Variants in TASP1 observed in about 807,000 individuals in gnomAD.
TASP1 encodes taspase 1.
A neutral mutation model predicts 56.6 loss-of-function variants in TASP1; 16 were observed. The observed-to-expected ratio is 0.28, with a 90% CI of 0.19 to 0.43. The LOEUF (loss-of-function observed/expected upper bound fraction) is 0.43, where lower values mean the gene tolerates loss of function less well. TASP1 is among the 20% of genes least tolerant of loss of function. The pLI is 1.00. For missense variants in TASP1, 393 were observed against 511.6 expected (o/e 0.77, Z 2.24); for synonymous variants, 179 against 184.2 (o/e 0.97, Z 0.23).
the TASP1 span, among the ~76,000 whole-genome samples, chr20:13,327,250 A>C: frequency 6.6e-6 from 1 of 152,212 alleles, no homozygotes; most frequent in African/African-American, 2.4e-5. Context: ...AATAGAGCTA[A>C]TAAGGGAAGT....
intron 4 of TASP1, among the ~76,000 whole-genome samples, chr20:13,594,137 G>A (rs1224776627): frequency 6.6e-6 from 1 of 152,218 alleles, no homozygotes; most frequent in African/African-American, 2.4e-5. Context: ...TGAGGGACAT[G>A]ACTGTTAGAA....
the TASP1 span, among the ~76,000 whole-genome samples, chr20:13,269,272 T>G: frequency 6.6e-6 from 1 of 152,182 alleles, no homozygotes; most frequent in East Asian, 1.9e-4. Flanking sequence ...GTAAATCTTC[T>G]GTGAGAGGAG....
At chr20:13,324,850 T>A in the TASP1 span, among the ~76,000 whole-genome samples, 2 of 152,208 alleles carry the variant, frequency 1.3e-5, no homozygotes, top group Non-Finnish European at 2.9e-5. Flanking sequence ...TTAAGTTTCT[T>A]ATTTTCTGGA....
At chr20:13,233,544 A>G in the TASP1 span, among the ~76,000 whole-genome samples, 1 of 151,558 alleles carries the variant, frequency 6.6e-6, no homozygotes, top group Non-Finnish European at 1.5e-5. Context: ...GCAATGAGCC[A>G]AGACTGTGCT....
the TASP1 span, chr20:13,117,514 G>T: frequency 5.7e-6 from 9 of 1,592,302 alleles, no homozygotes; most frequent in Non-Finnish European, 4.3e-6. Flanking sequence ...AGCATGGAAG[G>T]TTCCATCGTG....
intron 10 of TASP1, among the ~76,000 whole-genome samples, chr20:13,523,319 C>T (rs2044837791): frequency 6.6e-6 from 1 of 152,140 alleles, no homozygotes; most frequent in African/African-American, 2.4e-5. Context: ...GCATGGATTC[C>T]TGCCTGCCTT....
chr20:13,266,713 C>T, the TASP1 span, among the ~76,000 whole-genome samples: 1 of 152,180 alleles, frequency 6.6e-6, no homozygotes. Context: ...GGTCATGATG[C>T]TTTCCTTAAA....
At chr20:13,534,266 T>G in intron 8 of TASP1, 125 bp from the exon 9 acceptor site, 2 of 1,162,078 alleles carry the variant, frequency 1.7e-6, no homozygotes, top group Non-Finnish European at 2.3e-6. Context: ...AGTGGAACAT[T>G]GAGCAATCTC....
the TASP1 span, among the ~76,000 whole-genome samples, chr20:13,190,931 CCAAA>C: frequency 6.6e-6 from 1 of 151,884 alleles, no homozygotes; most frequent in Non-Finnish European, 1.5e-5. Context: ...AGCAAATTAT[CCAAA>C]CAGACTTATC....
At chr20:13,259,737 A>T in the TASP1 span, among the ~76,000 whole-genome samples, 2 of 152,254 alleles carry the variant, frequency 1.3e-5, no homozygotes, top group African/African-American at 2.4e-5. Context: ...ATAAGTTAAC[A>T]TGTAACTTTT....
At chr20:13,179,439 G>GTGTGTGTGTGTA in the TASP1 span, among the ~76,000 whole-genome samples, 3 of 151,258 alleles carry the variant, frequency 2.0e-5, no homozygotes, top group Non-Finnish European at 4.4e-5. Context: ...GTGTGTGTGT[G>GTGTGTGTGTGTA]TATAATCTTC....
chr20:13,275,318 A>G, the TASP1 span, among the ~76,000 whole-genome samples: 2 of 152,280 alleles, frequency 1.3e-5, no homozygotes, highest in Admixed American at 6.5e-5. Flanking sequence ...TTACAGTTGT[A>G]CGTGCTTCTA....
At chr20:13,196,471 G>A in the TASP1 span, among the ~76,000 whole-genome samples, 1 of 152,076 alleles carries the variant, frequency 6.6e-6, no homozygotes, top group African/African-American at 2.4e-5. Context: ...GCATATCTCT[G>A]CATGGCTGGC....
the TASP1 span, among the ~76,000 whole-genome samples, chr20:13,195,711 GA>G: frequency 6.6e-6 from 1 of 152,140 alleles, no homozygotes; most frequent in African/African-American, 2.4e-5. Flanking sequence ...GCTTCTGGAG[GA>G]GCCCAAATGA....
chr20:13,255,926 T>G, the TASP1 span, among the ~76,000 whole-genome samples: 4 of 55,394 alleles, frequency 7.2e-5, no homozygotes, highest in Non-Finnish European at 9.7e-5. Flanking sequence ...GTTCCTGGGG[T>G]TTTTTTTTTT....
At chr20:13,377,459 G>A in the TASP1 span, among the ~76,000 whole-genome samples, 1 of 152,206 alleles carries the variant, frequency 6.6e-6, no homozygotes, top group Non-Finnish European at 1.5e-5. Flanking sequence ...TTGATATGCT[G>A]CTGGATTCGG....
chr20:13,507,363 T>C (rs553294035), intron 10 of TASP1, among the ~76,000 whole-genome samples: 21 of 152,068 alleles, frequency 1.4e-4, no homozygotes, highest in African/African-American at 4.8e-4. Flanking sequence ...CAAGACCTCA[T>C]CTTTACGAAA....
intron 4 of TASP1, among the ~76,000 whole-genome samples, chr20:13,588,951 T>C (rs917247495): frequency 1.3e-5 from 2 of 151,978 alleles, no homozygotes; most frequent in Non-Finnish European, 2.9e-5. Flanking sequence ...AGGATAGATA[T>C]ATAAATTGAT....
intron 2 of TASP1, among the ~76,000 whole-genome samples, chr20:13,629,427 A>ATACC (rs1363144945): frequency 6.6e-6 from 1 of 151,702 alleles, no homozygotes; most frequent in Non-Finnish European, 1.5e-5. Flanking sequence ...ATGCCCTAAG[A>ATACC]TACCCACAGT....
Sources: gnomAD v4.1 joint callset for allele counts (sites outside exome capture counted in the v4.1 genomes callset) on GRCh38, gnomAD v4.1.1 for gene constraint, MANE v1.5 for transcripts, NCBI Gene and HGNC (gene_info 2026-07-23, HGNC 2026-07-21) for gene names.